The following SPON1 variants were observed in gnomAD, a reference collection of about 807,000 sequenced individuals.
The protein encoded by SPON1 is spondin 1, also known as spondin-1.
A neutral mutation model predicts 111.7 loss-of-function variants in SPON1; 52 were observed. The ratio of observed to expected loss-of-function variants is 0.47; its 90% CI spans 0.37 to 0.59. The LOEUF (loss-of-function observed/expected upper bound fraction) is 0.59, where lower values mean the gene tolerates loss of function less well. Ranked by LOEUF, SPON1 falls within the 20% of genes least tolerant of loss-of-function variation. The pLI is 0.00. For synonymous variants in SPON1, 410 were observed against 395.8 expected (o/e 1.04, Z -0.43); for missense variants, 957 against 1,068.5 (o/e 0.90, Z 1.46).
At chr11:14,054,836 A>G (rs890853490) in intron 3 of SPON1, among the ~76,000 whole-genome samples, 1 of 152,132 alleles carries the variant, frequency 6.6e-6, no homozygotes, top group Non-Finnish European at 1.5e-5. Flanking sequence ...CATATCTACC[A>G]TGCTTCTGCG....
chr11:14,150,754 T>C (rs1847777566), intron 6 of SPON1, among the ~76,000 whole-genome samples: 2 of 152,152 alleles, frequency 1.3e-5, no homozygotes, highest in African/African-American at 4.8e-5. Flanking sequence ...GAAAAATAGG[T>C]GATTCCACTA....
intron 5 of SPON1, among the ~76,000 whole-genome samples, chr11:14,100,108 G>A (rs998274017): frequency 8.0e-5 from 12 of 150,636 alleles, no homozygotes; most frequent in Admixed American, 7.3e-4. Flanking sequence ...AAAAGAGTGT[G>A]TTATATATAA....
chr11:14,040,043 A>T (rs1046742442), intron 2 of SPON1, among the ~76,000 whole-genome samples: 9 of 152,216 alleles, frequency 5.9e-5, no homozygotes, highest in African/African-American at 2.2e-4. Context: ...ATATGGAGGA[A>T]ATTAGGAACA....
chr11:14,188,143 G>A (rs1554934238), intron 6 of SPON1, among the ~76,000 whole-genome samples: 1 of 152,064 alleles, frequency 6.6e-6, no homozygotes, highest in Non-Finnish European at 1.5e-5. Flanking sequence ...CCTGACCTCA[G>A]GTGACCCACC....
chr11:14,240,774 A>G lies in SPON1; in HGVS notation c.826-2558A>G, dbSNP rs149964677. On this transcript the variant is annotated intron_variant, in intron 6 of 15. Coordinates refer to ENST00000576479, the MANE Select transcript of SPON1 (RefSeq NM_006108.4). ...TCCACCCACATTGATTTTATTTTCT[A>G]GTGAAATATTTCTTCAAGAGCAAAC... Among the ~76,000 whole-genome samples the G allele has an allele frequency of 5.0e-3, 769 of 152,330 alleles. 13 individuals are homozygous for G. Among genetic ancestry groups the G allele is most frequent in the East Asian group, 0.049 (255 of 5,188 alleles).
chr11:14,032,800 A>C (rs1554916216), intron 2 of SPON1, among the ~76,000 whole-genome samples: 3 of 152,046 alleles, frequency 2.0e-5, no homozygotes, highest in African/African-American at 7.2e-5. Flanking sequence ...GTCATAGCAC[A>C]TGTCTTCCCT....
intron 3 of SPON1, among the ~76,000 whole-genome samples, chr11:14,054,496 T>C (rs552213417): frequency 6.6e-6 from 1 of 152,342 alleles, no homozygotes; most frequent in African/African-American, 2.4e-5. Context: ...AGAATTGCTC[T>C]AATTGCAGTT....
At position 14,150,137 on chromosome 11, in the gene SPON1, C is replaced by T. The variant is rs538338844; in HGVS notation, c.825+14569C>T. On this transcript the variant is annotated intron_variant, in intron 6 of 15. Coordinates refer to ENST00000576479, the MANE Select transcript of SPON1 (RefSeq NM_006108.4). The stretch of plus-strand genomic sequence containing the variant: ...ATATACACAATAGAATACTATCTAG[C>T]CATAAAAAAGAATGAAATGCCATCA... Among the ~76,000 whole-genome samples, 5 of 152,084 alleles carry T rather than the reference C, an allele frequency of 3.3e-5. No homozygotes were observed. The East Asian group carries it at 9.6e-4, about 29-fold the overall frequency.
intron 6 of SPON1, among the ~76,000 whole-genome samples, chr11:14,231,592 C>T (rs964636810): frequency 1.3e-5 from 2 of 152,116 alleles, no homozygotes; most frequent in Non-Finnish European, 2.9e-5. Flanking sequence ...TCTTATATAT[C>T]CTTCCAGAGA....
At chr11:14,222,822 A>G (rs781842361) in intron 6 of SPON1, among the ~76,000 whole-genome samples, 12 of 152,180 alleles carry the variant, frequency 7.9e-5, no homozygotes, top group Non-Finnish European at 1.5e-4. Context: ...TACTCTCACC[A>G]GGGCCAATTT....
intron 2 of SPON1, among the ~76,000 whole-genome samples, chr11:14,028,081 TACAG>T (rs1414931210): frequency 6.6e-6 from 1 of 152,214 alleles, no homozygotes; most frequent in Admixed American, 6.5e-5. Context: ...AGGATATTAA[TACAG>T]ACCCCCTACT....
chr11:14,245,952 C>T (rs1194618791), intron 7 of SPON1, among the ~76,000 whole-genome samples: 1 of 152,242 alleles, frequency 6.6e-6, no homozygotes, highest in Non-Finnish European at 1.5e-5. Context: ...GTGCCCTTTG[C>T]ATAATTAACA....
At chr11:14,151,911 C>T (rs1232752006) in intron 6 of SPON1, among the ~76,000 whole-genome samples, 1 of 152,146 alleles carries the variant, frequency 6.6e-6, no homozygotes, top group East Asian at 1.9e-4. Flanking sequence ...ACCTTTCTCT[C>T]CCAATCTGTA....
At position 14,254,166 on chromosome 11, in the gene SPON1, C is replaced by T. The variant is rs879947100; in HGVS notation, c.891-362C>T. On this transcript the variant is annotated intron_variant, in intron 7 of 15. Transcript: ENST00000576479. ...AAACAGGAAGCTGGGGGAGATGACCCCTCTGATGGGAGGTTGAGGTGCAAG... is the reference window on the plus strand; with the variant it reads ...AAACAGGAAGCTGGGGGAGATGACCTCTCTGATGGGAGGTTGAGGTGCAAG... Among the ~76,000 whole-genome samples, 3 of 152,164 alleles carry T rather than the reference C, an allele frequency of 2.0e-5. 1 individual carries two copies. Among genetic ancestry groups the T allele is most frequent in the Admixed American group, 2.0e-4 (3 of 15,272 alleles).
intron 5 of SPON1, among the ~76,000 whole-genome samples, chr11:14,094,860 A>G (rs1849086269): frequency 6.6e-6 from 1 of 152,206 alleles, no homozygotes; most frequent in Admixed American, 6.5e-5. Flanking sequence ...GAGGATGCGC[A>G]AGGAGGACAT....
At chr11:14,144,418 TC>T (rs1408601369) in intron 6 of SPON1, among the ~76,000 whole-genome samples, 1 of 151,926 alleles carries the variant, frequency 6.6e-6, no homozygotes, top group African/African-American at 2.4e-5. Flanking sequence ...TCACTTGAGT[TC>T]AGGAGTTCGA....
chr11:14,122,319 G>A (rs959984497), intron 5 of SPON1, among the ~76,000 whole-genome samples: 6 of 152,024 alleles, frequency 3.9e-5, no homozygotes, highest in Non-Finnish European at 7.4e-5. Context: ...GACTACAGGC[G>A]CCCGCCACCA....
At position 14,259,925 on chromosome 11, in the gene SPON1, G is replaced by T. The variant is rs189267921; in HGVS notation, c.1831+224G>T. 2.0e-5 allele frequency among the ~76,000 whole-genome samples: 3 copies of T among 152,338 alleles called. No homozygotes were observed. In the East Asian group the frequency reaches 5.8e-4, roughly 29 times the overall value. Reference sequence around the variant, plus strand: ...ACTGGGGGACATTCTAAGCAATGCTGGGGTGGCAAACTGGTGGCCTCTGGA... The same window carrying T: ...ACTGGGGGACATTCTAAGCAATGCTTGGGTGGCAAACTGGTGGCCTCTGGA... On this transcript the variant is annotated intron_variant, in intron 13 of 15. Coordinates refer to ENST00000576479, the MANE Select transcript of SPON1 (RefSeq NM_006108.4). The surrounding 1 kb of genome is among the most constrained non-coding windows in gnomAD (Gnocchi z 5.0).
At chr11:14,155,165 C>T (rs1210134061) in intron 6 of SPON1, among the ~76,000 whole-genome samples, 8 of 152,184 alleles carry the variant, frequency 5.3e-5, no homozygotes, top group Non-Finnish European at 1.0e-4. Flanking sequence ...TCTTCTAAGC[C>T]CTCCAAATTG....
Sources: gnomAD v4.1 joint callset for allele counts (sites outside exome capture counted in the v4.1 genomes callset) on GRCh38, gnomAD v4.1.1 for gene constraint, Gnocchi (gnomAD v3.1) non-coding constraint, MANE v1.5 for transcripts, NCBI Gene and HGNC (gene_info 2026-07-23, HGNC 2026-07-21) for gene names.